Variants in MSRB3 observed in about 807,000 individuals in gnomAD.
The protein encoded by MSRB3 is methionine sulfoxide reductase B3.
Under a neutral mutation model 21.0 loss-of-function variants are expected in MSRB3, and 13 were observed. The observed-to-expected ratio is 0.62, with a 90% CI of 0.40 to 0.98. MSRB3 has a LOEUF of 0.98. MSRB3 is among the 50% of genes least tolerant of loss of function. The pLI is 0.00. For synonymous variants in MSRB3, 87 were observed against 88.6 expected (o/e 0.98, Z 0.10); for missense variants, 199 against 230.3 (o/e 0.86, Z 0.88).
At chr12:65,382,779 A>G (rs1879007091) in intron 5 of MSRB3, among the ~76,000 whole-genome samples, 2 of 151,938 alleles carry the variant, frequency 1.3e-5, no homozygotes, top group South Asian at 4.1e-4. Context: ...GGGTTGTAGA[A>G]GAATACTACA....
At chr12:65,314,916 T>A (rs1874197747) in intron 2 of MSRB3, among the ~76,000 whole-genome samples, 1 of 152,216 alleles carries the variant, frequency 6.6e-6, no homozygotes, top group Non-Finnish European at 1.5e-5. Flanking sequence ...GATGCTTATT[T>A]ATCTAAACAT....
chr12:65,436,634 A>G (rs577922895), intron 5 of MSRB3, among the ~76,000 whole-genome samples: 1 of 152,060 alleles, frequency 6.6e-6, no homozygotes, highest in Admixed American at 6.6e-5. Flanking sequence ...GCAATTCAGG[A>G]TTTCATTACA....
chr12:65,417,330 G>T (rs551588720), intron 5 of MSRB3, among the ~76,000 whole-genome samples: 112 of 152,210 alleles, frequency 7.4e-4, no homozygotes, highest in Non-Finnish European at 1.2e-3. Flanking sequence ...GAAGATAATA[G>T]ATTAAAATAG....
intron 5 of MSRB3, among the ~76,000 whole-genome samples, chr12:65,424,527 G>A (rs947404104): frequency 1.3e-5 from 2 of 151,846 alleles, no homozygotes; most frequent in African/African-American, 4.8e-5. Flanking sequence ...TGTGTATTTC[G>A]AGATATTTTT....
intron 4 of MSRB3, among the ~76,000 whole-genome samples, chr12:65,329,670 T>G (rs1466571481): frequency 6.6e-6 from 1 of 151,516 alleles, no homozygotes; most frequent in Non-Finnish European, 1.5e-5. Flanking sequence ...AAAGTAAATG[T>G]CATTTATTTA....
At chr12:65,289,870 CA>C (rs1872578225) in intron 1 of MSRB3, among the ~76,000 whole-genome samples, 1 of 152,152 alleles carries the variant, frequency 6.6e-6, no homozygotes, top group South Asian at 2.1e-4. Context: ...AGGCCATGAT[CA>C]CATTTTTTAT....
At chr12:65,419,367 T>C (rs1881155080) in intron 5 of MSRB3, 1 of 755,102 alleles carries the variant, frequency 1.3e-6, no homozygotes. Context: ...TTACTTCCTC[T>C]TCATGGTTCT....
chr12:65,338,338 T>G (rs941665577), intron 4 of MSRB3, among the ~76,000 whole-genome samples: 3 of 152,206 alleles, frequency 2.0e-5, no homozygotes, highest in Admixed American at 6.5e-5. Context: ...ATATGACAGT[T>G]GTAAATAATG....
chr12:65,322,351 A>T (rs1269217833), intron 2 of MSRB3, among the ~76,000 whole-genome samples: 1 of 152,106 alleles, frequency 6.6e-6, no homozygotes, highest in Non-Finnish European at 1.5e-5. Flanking sequence ...TTGTTACATA[A>T]TTTTTCCTGA....
chr12:65,358,589 C>T (rs1423426074), intron 4 of MSRB3, among the ~76,000 whole-genome samples: 1 of 151,766 alleles, frequency 6.6e-6, no homozygotes, highest in Non-Finnish European at 1.5e-5. Context: ...CTTTTTGGCA[C>T]TTCTTGATGA....
intron 4 of MSRB3, among the ~76,000 whole-genome samples, chr12:65,349,136 C>T (rs969801568): frequency 3.9e-5 from 6 of 151,968 alleles, no homozygotes; most frequent in African/African-American, 1.5e-4. Context: ...TCAATTCCCA[C>T]CTATGAGTGA....
At chr12:65,427,364 G>A (rs1881652348) in intron 5 of MSRB3, among the ~76,000 whole-genome samples, 1 of 152,190 alleles carries the variant, frequency 6.6e-6, no homozygotes, top group Non-Finnish European at 1.5e-5. Context: ...GGCAGTGAGG[G>A]TTTCTGGGTT....
At chr12:65,416,143 A>G (rs1880960982) in intron 5 of MSRB3, among the ~76,000 whole-genome samples, 1 of 152,234 alleles carries the variant, frequency 6.6e-6, no homozygotes, top group Non-Finnish European at 1.5e-5. Context: ...CAACTTGGAT[A>G]CATCTTAAAG....
At chr12:65,365,398 G>C (rs1422438332) in intron 4 of MSRB3, among the ~76,000 whole-genome samples, 1 of 152,148 alleles carries the variant, frequency 6.6e-6, no homozygotes, top group East Asian at 1.9e-4. Flanking sequence ...CATGATTCAC[G>C]TGAGCCTTGA....
intron 2 of MSRB3, 128 bp downstream of exon 2, chr12:65,308,783 G>A (rs773192857): frequency 1.7e-5 from 22 of 1,272,646 alleles, no homozygotes; most frequent in East Asian, 1.2e-4. Context: ...ATTTGAAGAC[G>A]GAAATTGGTT....
rs1029891942 is a variant in MSRB3 at position 65,465,873 on chromosome 12, G to A, written c.*2551G>A. On this transcript the variant is annotated 3_prime_UTR_variant, in exon 7 of 7. Transcript: ENST00000308259. ...CAGTGACCCCAGGATTCCACGTTGG[G>A]GTGGCCAAAGAAATAGGTCTCTCAG... 2 of 152,178 alleles carry A rather than the reference G, an allele frequency of 1.3e-5. No homozygotes were observed. Among genetic ancestry groups the A allele is most frequent in the Non-Finnish European group, 2.9e-5 (2 of 68,124 alleles). 9.4% of individuals were successfully genotyped at this position (152,178 alleles called of 1,614,324 possible). A position where few individuals can be genotyped will look rare whatever the true frequency, so the allele number is the denominator to read the frequency against.
intron 4 of MSRB3, among the ~76,000 whole-genome samples, chr12:65,341,869 G>T (rs1172897833): frequency 1.3e-5 from 2 of 151,892 alleles, no homozygotes; most frequent in Non-Finnish European, 2.9e-5. Flanking sequence ...ATTTTAATAT[G>T]TACTCAGAAG....
chr12:65,346,220 A>G (rs1340388668), intron 4 of MSRB3, among the ~76,000 whole-genome samples: 10 of 152,070 alleles, frequency 6.6e-5, no homozygotes, highest in Admixed American at 1.3e-4. Flanking sequence ...AAGTGTTCCT[A>G]TTTCTCCACA....
chr12:65,289,715 T>C (rs925396135), intron 1 of MSRB3, among the ~76,000 whole-genome samples: 2 of 152,134 alleles, frequency 1.3e-5, no homozygotes, highest in Non-Finnish European at 1.5e-5. Context: ...CACCCTCAAA[T>C]AGGCCCCAGT....
Sources: gnomAD v4.1 joint callset for allele counts (sites outside exome capture counted in the v4.1 genomes callset) on GRCh38, gnomAD v4.1.1 for gene constraint, MANE v1.5 for transcripts, NCBI Gene and HGNC (gene_info 2026-07-23, HGNC 2026-07-21) for gene names.